Variants in CEMIP observed in about 807,000 individuals in gnomAD.
The protein encoded by CEMIP is cell migration-inducing and hyaluronan-binding protein.
In CEMIP, 105 loss-of-function variants were observed where a neutral mutation model predicts 156.9. The observed-to-expected ratio is 0.67, with a 90% CI of 0.57 to 0.79. CEMIP has a LOEUF of 0.79. Among genes scored for constraint, CEMIP ranks in the 30% least tolerant of loss-of-function variants. CEMIP has a pLI of 0.00. For synonymous variants in CEMIP, 676 were observed against 668.4 expected, an observed-to-expected ratio of 1.01 and a Z score of -0.17; for missense variants, 1,457 against 1,769.4, an observed-to-expected ratio of 0.82 and a Z score of 3.17.
chr15:80,850,886 G>T (rs1251526840), intron 1 of CEMIP, among the ~76,000 whole-genome samples: 1 of 152,204 alleles, frequency 6.6e-6, no homozygotes, highest in African/African-American at 2.4e-5. Flanking sequence ...AAACATCTTT[G>T]GGGGAGGCAG....
chr15:80,939,469 G>A (rs1901258616), intron 25 of CEMIP, among the ~76,000 whole-genome samples: 1 of 152,220 alleles, frequency 6.6e-6, no homozygotes, highest in African/African-American at 2.4e-5. Context: ...AGTAACAGAT[G>A]TTGATAAGGT....
At chr15:80,917,418 T>C (rs67081620) in intron 14 of CEMIP, among the ~76,000 whole-genome samples, 20,565 of 152,158 alleles carry the variant, frequency 0.14, 1,483 homozygotes, top group East Asian at 0.26. Context: ...CTCTGTAAAG[T>C]TGGAGGCATT....
intron 4 of CEMIP, among the ~76,000 whole-genome samples, chr15:80,879,429 G>A (rs1342048875): frequency 6.6e-6 from 1 of 152,170 alleles, no homozygotes; most frequent in African/African-American, 2.4e-5. Context: ...TCAAGTATAT[G>A]GGAGGATGTG....
chr15:80,942,084 T>C, intron 26 of CEMIP, 31 bp downstream of exon 26: 1 of 1,601,038 alleles, frequency 6.2e-7, no homozygotes, highest in Non-Finnish European at 8.5e-7. Flanking sequence ...CCTAGACCCC[T>C]TTGCCGTCCA....
intron 12 of CEMIP, among the ~76,000 whole-genome samples, chr15:80,901,254 C>T (rs890436159): frequency 6.6e-6 from 1 of 152,184 alleles, no homozygotes; most frequent in Admixed American, 6.5e-5. Flanking sequence ...CTCTTCACAA[C>T]AACCTAATAC....
At chr15:80,796,602 C>T (rs1596094662) in intron 1 of CEMIP, among the ~76,000 whole-genome samples, 2 of 152,222 alleles carry the variant, frequency 1.3e-5, no homozygotes, top group Admixed American at 6.5e-5. Flanking sequence ...ACCTGTTTAC[C>T]GAAAAAGATA....
rs573722697 is a variant in CEMIP, at chr15:80,927,771, G to T, written c.2421-1131G>T. 8.9e-4 allele frequency among the ~76,000 whole-genome samples: 135 copies of T among 152,186 alleles called. No individual in the cohort carries two copies. In the South Asian group the frequency reaches 0.011, roughly 13 times the overall value. On this transcript the variant is annotated intron_variant, in intron 19 of 29. Transcript: ENST00000394685. ...GAGGGGACCAGGAGCCTAGCACTGGGGGACAGAAGCAATGAGGAAAAGCCA... is the reference window on the plus strand; with the variant it reads ...GAGGGGACCAGGAGCCTAGCACTGGTGGACAGAAGCAATGAGGAAAAGCCA...
chr15:80,803,106 G>C (rs999481837), intron 1 of CEMIP, among the ~76,000 whole-genome samples: 2 of 152,158 alleles, frequency 1.3e-5, no homozygotes, highest in Non-Finnish European at 2.9e-5. Context: ...CTAAGGAAGA[G>C]AGTGATTCCT....
intron 1 of CEMIP, among the ~76,000 whole-genome samples, chr15:80,854,457 G>A (rs148135663): frequency 3.0e-4 from 45 of 152,342 alleles, no homozygotes; most frequent in African/African-American, 9.6e-4. Flanking sequence ...TGTAGGGCAG[G>A]GAACGCAAGG....
chr15:80,919,003 A>G (rs1187239049), intron 14 of CEMIP, among the ~76,000 whole-genome samples: 1 of 152,096 alleles, frequency 6.6e-6, no homozygotes, highest in African/African-American at 2.4e-5. Context: ...CTTGTCTAAG[A>G]TCCCCGCGCT....
intron 3 of CEMIP, among the ~76,000 whole-genome samples, chr15:80,875,826 T>C (rs1256305735): frequency 2.6e-5 from 4 of 151,984 alleles, no homozygotes; most frequent in African/African-American, 9.7e-5. Flanking sequence ...CCACTGACAC[T>C]GGCCTTCACC....
chr15:80,869,600 G>C (rs1898221893), intron 1 of CEMIP, among the ~76,000 whole-genome samples: 1 of 152,136 alleles, frequency 6.6e-6, no homozygotes, highest in Non-Finnish European at 1.5e-5. Context: ...CTTTGCCTAA[G>C]AAGATAGCAG....
intron 14 of CEMIP, among the ~76,000 whole-genome samples, chr15:80,911,360 C>T (rs144162763): frequency 3.3e-4 from 50 of 152,330 alleles, no homozygotes; most frequent in African/African-American, 1.2e-3. Flanking sequence ...GTCTTTGGAG[C>T]TTTACTTGTT....
intron 17 of CEMIP, among the ~76,000 whole-genome samples, chr15:80,923,966 C>G (rs539447537): frequency 6.6e-6 from 1 of 152,282 alleles, no homozygotes; most frequent in South Asian, 2.1e-4. Context: ...ACAGTGCCCT[C>G]CAGTTATCTA....
At chr15:80,922,435 C>T (rs910096787) in intron 17 of CEMIP, among the ~76,000 whole-genome samples, 6 of 152,168 alleles carry the variant, frequency 3.9e-5, no homozygotes, top group Non-Finnish European at 7.3e-5. Flanking sequence ...CTTGGTGGCC[C>T]CTGAGCTGGG....
chr15:80,830,487 C>T (rs984981672), intron 1 of CEMIP, among the ~76,000 whole-genome samples: 11 of 152,240 alleles, frequency 7.2e-5, no homozygotes, highest in South Asian at 2.1e-4. Context: ...TGTCTGCCCA[C>T]GACTAAGGAT....
chr15:80,806,505 G>A (rs1041045733), intron 1 of CEMIP, among the ~76,000 whole-genome samples: 1 of 152,164 alleles, frequency 6.6e-6, no homozygotes, highest in Non-Finnish European at 1.5e-5. Flanking sequence ...CAGGAACCAG[G>A]AAAGAGGAAA....
chr15:80,893,214 G>C (rs77230406), intron 10 of CEMIP, among the ~76,000 whole-genome samples: 65 of 150,202 alleles, frequency 4.3e-4, no homozygotes, highest in African/African-American at 1.6e-3. Context: ...GAAATGAAAT[G>C]AAATAAAATA....
intron 14 of CEMIP, among the ~76,000 whole-genome samples, chr15:80,911,795 G>T (rs140849700): frequency 2.8e-4 from 43 of 152,282 alleles, no homozygotes; most frequent in African/African-American, 1.0e-3. Flanking sequence ...CTCAAAAAGG[G>T]GGAAGCGGCA....
Sources: gnomAD v4.1 joint callset for allele counts (sites outside exome capture counted in the v4.1 genomes callset) on GRCh38, gnomAD v4.1.1 for gene constraint, MANE v1.5 for transcripts, NCBI Gene and HGNC (gene_info 2026-07-23, HGNC 2026-07-21) for gene names.